ANXA13: variants seen among roughly 807,000 people sequenced by gnomAD.
ANXA13 encodes annexin XIII.
In ANXA13, 36 loss-of-function variants were observed where a neutral mutation model predicts 46.6. The ratio of observed to expected loss-of-function variants is 0.77; its 90% CI spans 0.59 to 1.02. The LOEUF is 1.02. Ranked by LOEUF, ANXA13 falls within the 50% of genes least tolerant of loss-of-function variation. The pLI is 0.00. For synonymous variants in ANXA13, 163 were observed against 152.9 expected, an observed-to-expected ratio of 1.07 and a Z score of -0.49; for missense variants, 417 against 396.5, an observed-to-expected ratio of 1.05 and a Z score of -0.44.
At chr8:123,717,983 C>A (rs909158281) in intron 1 of ANXA13, among the ~76,000 whole-genome samples, 5 of 152,358 alleles carry the variant, frequency 3.3e-5, no homozygotes, top group South Asian at 2.1e-4. Flanking sequence ...CGCACCCAGG[C>A]TCGCTTGCGC....
intron 1 of ANXA13, among the ~76,000 whole-genome samples, chr8:123,727,226 A>G (rs1486026728): frequency 1.3e-5 from 2 of 152,144 alleles, no homozygotes; most frequent in Non-Finnish European, 2.9e-5. Flanking sequence ...AAAAAAGAAG[A>G]AGTTGTTACT....
At chr8:123,717,881 C>T (rs2129911536) in intron 1 of ANXA13, among the ~76,000 whole-genome samples, 1 of 152,380 alleles carries the variant, frequency 6.6e-6, no homozygotes, top group Admixed American at 6.5e-5. Flanking sequence ...CACTCAGATG[C>T]GCTCGTGCTT....
intron 6 of ANXA13, 73 bp from the exon 7 acceptor site, chr8:123,693,852 A>G: frequency 3.6e-6 from 5 of 1,371,076 alleles, no homozygotes; most frequent in Non-Finnish European, 4.2e-6. Context: ...CAAAAAAAAC[A>G]AAGTCCTGGA....
chr8:123,720,700 GT>G (rs1438664196), intron 1 of ANXA13, among the ~76,000 whole-genome samples: 1 of 148,536 alleles, frequency 6.7e-6, no homozygotes, highest in Non-Finnish European at 1.5e-5. Context: ...GTGTGTGTGA[GT>G]TAAGAACATT....
At chr8:123,702,284 G>A (rs1475842308) in intron 3 of ANXA13, among the ~76,000 whole-genome samples, 2 of 151,924 alleles carry the variant, frequency 1.3e-5, no homozygotes, top group Non-Finnish European at 2.9e-5. Flanking sequence ...TGTAACAATC[G>A]CTTATGAAAA....
At chr8:123,729,269 C>T (rs1367139203) in intron 1 of ANXA13, 1 of 152,212 alleles carries the variant, frequency 6.6e-6, no homozygotes, top group African/African-American at 2.4e-5. Flanking sequence ...CTCCCTCTCA[C>T]CAGCCCCTTT....
chr8:123,703,782 T>C (rs1174661336), intron 2 of ANXA13, among the ~76,000 whole-genome samples: 1 of 152,190 alleles, frequency 6.6e-6, no homozygotes, highest in African/African-American at 2.4e-5. Flanking sequence ...ATGGCAGCAA[T>C]TTGATCAGTA....
At chr8:123,716,389 G>A (rs1813759372) in intron 1 of ANXA13, among the ~76,000 whole-genome samples, 2 of 152,110 alleles carry the variant, frequency 1.3e-5, no homozygotes, top group South Asian at 2.1e-4. Context: ...CAAATAATGT[G>A]GGGTAGGACT....
At chr8:123,695,419 C>T (rs927642173) in intron 6 of ANXA13, 83 bp downstream of exon 6, 16 of 1,021,502 alleles carry the variant, frequency 1.6e-5, no homozygotes, top group African/African-American at 4.8e-5. Flanking sequence ...TGTTTATCTA[C>T]GTTACCCTTT....
intron 2 of ANXA13, among the ~76,000 whole-genome samples, chr8:123,708,048 C>T (rs976241469): frequency 6.6e-6 from 1 of 152,014 alleles, no homozygotes; most frequent in Non-Finnish European, 1.5e-5. Flanking sequence ...TTTCTACTAC[C>T]CAGTCACTGA....
chr8:123,702,573 G>C, intron 3 of ANXA13, 69 bp downstream of exon 3: 1 of 1,240,698 alleles, frequency 8.1e-7, no homozygotes. Flanking sequence ...CGTGGCCTGG[G>C]GACATGAGGA....
chr8:123,686,944 G>T (rs1813150717), intron 9 of ANXA13, among the ~76,000 whole-genome samples: 1 of 152,192 alleles, frequency 6.6e-6, no homozygotes, highest in African/African-American at 2.4e-5. Flanking sequence ...TACCACTGGA[G>T]TACAGCTCTC....
chr8:123,706,725 A>G (rs1214708016), intron 2 of ANXA13, among the ~76,000 whole-genome samples: 2 of 152,194 alleles, frequency 1.3e-5, no homozygotes, highest in African/African-American at 2.4e-5. Flanking sequence ...CAAACCTTTC[A>G]GTATAGGCCC....
chr8:123,733,445 T>C (rs114415908), intron 1 of ANXA13, among the ~76,000 whole-genome samples: 74 of 152,320 alleles, frequency 4.9e-4, no homozygotes, highest in African/African-American at 1.8e-3. Context: ...GTCATGCAGC[T>C]TTCAGATGTT....
chr8:123,699,347 T>C (rs1813402252), intron 3 of ANXA13, among the ~76,000 whole-genome samples: 2 of 152,134 alleles, frequency 1.3e-5, no homozygotes, highest in Admixed American at 6.5e-5. Context: ...GCTCGGCTAA[T>C]TTTTAAATTT....
At chr8:123,703,961 C>T (rs11786766) in intron 2 of ANXA13, among the ~76,000 whole-genome samples, 32,244 of 152,120 alleles carry the variant, frequency 0.21, 3,673 homozygotes, top group Middle Eastern at 0.25. Flanking sequence ...CAGCTCCACC[C>T]TGTACCGACT....
chr8:123,732,241 G>A (rs1814132205), intron 1 of ANXA13, among the ~76,000 whole-genome samples: 1 of 152,134 alleles, frequency 6.6e-6, no homozygotes, highest in Admixed American at 6.5e-5. Context: ...TTTAAAAGGG[G>A]ACTAATAATA....
intron 1 of ANXA13, among the ~76,000 whole-genome samples, chr8:123,729,578 TTG>T (rs2129944635): frequency 6.6e-6 from 1 of 152,314 alleles, no homozygotes; most frequent in African/African-American, 2.4e-5. Context: ...TCCTTCTTGC[TTG>T]TGACTATCTT....
intron 9 of ANXA13, among the ~76,000 whole-genome samples, chr8:123,687,082 A>G (rs1223754802): frequency 1.3e-5 from 2 of 152,158 alleles, no homozygotes; most frequent in African/African-American, 4.8e-5. Context: ...CTTAAAATCC[A>G]CCATGAGCTT....
Sources: gnomAD v4.1 joint callset for allele counts (sites outside exome capture counted in the v4.1 genomes callset) on GRCh38, gnomAD v4.1.1 for gene constraint, MANE v1.5 for transcripts, NCBI Gene and HGNC (gene_info 2026-07-23, HGNC 2026-07-21) for gene names.